Variants in CTNND2 observed in about 807,000 individuals in gnomAD.
The protein encoded by CTNND2 is catenin delta-2.
Under a neutral mutation model 144.4 loss-of-function variants are expected in CTNND2, and 22 were observed. That is an observed-to-expected ratio of 0.15 (90% confidence interval 0.11 to 0.22). CTNND2 has a LOEUF of 0.22. Among genes scored for constraint, CTNND2 ranks in the 10% least tolerant of loss-of-function variants. The pLI, the probability that CTNND2 is intolerant of heterozygous loss-of-function variation, is 1.00. For missense variants in CTNND2, 1,353 were observed against 1,618.8 expected, an observed-to-expected ratio of 0.84 and a Z score of 2.82; for synonymous variants, 751 against 695.6, an observed-to-expected ratio of 1.08 and a Z score of -1.25.
intron 1 of CTNND2, among the ~76,000 whole-genome samples, chr5:11,741,890 GTTAT>G (rs1410991874): frequency 6.6e-6 from 1 of 150,928 alleles, no homozygotes; most frequent in Non-Finnish European, 1.5e-5. Context: ...ATGAAATAAT[GTTAT>G]TTGCAGTGAC....
Position 10,971,889 on chromosome 5 carries a change from G to A in CTNND2, c.*1564C>T, listed in dbSNP as rs1356975437. The A allele has an allele frequency of 6.6e-6, 1 of 152,596 alleles. No homozygotes were observed. The allele number at this position is 152,596 out of a possible 1,614,324, so 9.5% of individuals were successfully genotyped here. A position where few individuals can be genotyped will look rare whatever the true frequency, so the allele number is the denominator to read the frequency against. ...TTCCAAGAACAGTTAACATTTACTA[G>A]GCACCTATTGGCCTCAGCCACTTGC... On this transcript the variant is annotated 3_prime_UTR_variant, in exon 22 of 22. Transcript: ENST00000304623.
At chr5:11,081,789 A>G (rs969619380) in intron 16 of CTNND2, among the ~76,000 whole-genome samples, 4 of 152,248 alleles carry the variant, frequency 2.6e-5, no homozygotes, top group Non-Finnish European at 5.9e-5. Context: ...AGGAAAATCC[A>G]TAGACAGAGA....
intron 2 of CTNND2, among the ~76,000 whole-genome samples, chr5:11,697,988 T>C (rs1411182854): frequency 2.6e-5 from 4 of 152,188 alleles, no homozygotes; most frequent in African/African-American, 9.7e-5. Context: ...GGACCTTGCT[T>C]TTATTCTAAG....
At chr5:11,856,095 A>T (rs2127014455) in intron 1 of CTNND2, among the ~76,000 whole-genome samples, 1 of 152,348 alleles carries the variant, frequency 6.6e-6, no homozygotes, top group East Asian at 1.9e-4. Flanking sequence ...ATTATCTATA[A>T]GCCACCATGC....
chr5:11,487,826 C>T (rs187497949), intron 3 of CTNND2, among the ~76,000 whole-genome samples: 4 of 152,274 alleles, frequency 2.6e-5, no homozygotes, highest in Admixed American at 6.5e-5. Flanking sequence ...AAATTGACCA[C>T]GGTGGGAGTA....
intron 9 of CTNND2, among the ~76,000 whole-genome samples, chr5:11,310,902 TCACA>T (rs1397854622): frequency 8.8e-6 from 1 of 113,084 alleles, no homozygotes; most frequent in South Asian, 3.2e-4. Flanking sequence ...CGCAATACAC[TCACA>T]CACACTCCCC....
At chr5:11,713,989 C>T (rs1039899227) in intron 2 of CTNND2, among the ~76,000 whole-genome samples, 2 of 152,144 alleles carry the variant, frequency 1.3e-5, no homozygotes, top group African/African-American at 2.4e-5. Flanking sequence ...CTAACAAGAC[C>T]GTAGCCTCGA....
chr5:11,693,439 T>C (rs1475569077), intron 2 of CTNND2, among the ~76,000 whole-genome samples: 1 of 152,244 alleles, frequency 6.6e-6, no homozygotes, highest in Non-Finnish European at 1.5e-5. Context: ...TTTAAATTAT[T>C]TGAATCACAG....
chr5:11,194,238 C>A (rs1736629821), intron 11 of CTNND2, among the ~76,000 whole-genome samples: 1 of 152,136 alleles, frequency 6.6e-6, no homozygotes, highest in Non-Finnish European at 1.5e-5. Context: ...AAGATTTATA[C>A]TCAAGAGATG....
chr5:11,092,066 C>A (rs1236152100), intron 15 of CTNND2, among the ~76,000 whole-genome samples: 1 of 152,122 alleles, frequency 6.6e-6, no homozygotes, highest in Non-Finnish European at 1.5e-5. Flanking sequence ...ATCTTCATAC[C>A]ATGGCTTGGA....
At chr5:11,284,182 G>T (rs1166686840) in intron 9 of CTNND2, among the ~76,000 whole-genome samples, 1 of 152,196 alleles carries the variant, frequency 6.6e-6, no homozygotes, top group Non-Finnish European at 1.5e-5. Context: ...GGCACCATCT[G>T]ACAGCACTCC....
At chr5:11,409,530 C>A (rs1448418977) in intron 5 of CTNND2, among the ~76,000 whole-genome samples, 1 of 151,932 alleles carries the variant, frequency 6.6e-6, no homozygotes, top group East Asian at 1.9e-4. Context: ...TCCTTAATTT[C>A]TTTTATTTTT....
chr5:11,726,356 A>ATTT (rs534234290), intron 2 of CTNND2, among the ~76,000 whole-genome samples: 11 of 152,216 alleles, frequency 7.2e-5, no homozygotes, highest in Non-Finnish European at 1.5e-4. Context: ...ACAAAGAAGA[A>ATTT]TAAAATATTT....
chr5:11,142,756 GGC>G (rs1042678762), intron 12 of CTNND2, among the ~76,000 whole-genome samples: 12 of 151,992 alleles, frequency 7.9e-5, no homozygotes, highest in African/African-American at 2.7e-4. Context: ...TGGGACTACA[GGC>G]GCGCGCCACC....
At chr5:11,824,053 T>G (rs1195242586) in intron 1 of CTNND2, among the ~76,000 whole-genome samples, 1 of 137,976 alleles carries the variant, frequency 7.2e-6, no homozygotes, top group African/African-American at 2.8e-5. Flanking sequence ...CAGTGAGTCA[T>G]GATTGCACCA....
intron 9 of CTNND2, among the ~76,000 whole-genome samples, chr5:11,273,549 C>T (rs1419079022): frequency 3.3e-5 from 5 of 152,172 alleles, no homozygotes; most frequent in East Asian, 3.8e-4. Flanking sequence ...GAAAATTGGG[C>T]TTTTCGGTCA....
Position 11,102,364 on chromosome 5 carries a change from C to A in CTNND2, c.2464-3616G>T, listed in dbSNP as rs565190324. The stretch of plus-strand genomic sequence containing the variant: ...GTTCATAGAAATTTCTAATTTTACA[C>A]ACATATTTAGAGTTCATAAAGCTAA... On this transcript the variant is annotated intron_variant, in intron 14 of 21. Transcript: ENST00000304623. 5.3e-5 allele frequency among the ~76,000 whole-genome samples: 8 copies of A among 152,274 alleles called. No homozygotes were observed. In the South Asian group the frequency reaches 1.7e-3, roughly 32 times the overall value.
At chr5:11,598,147 TTAAA>T (rs139153840) in intron 2 of CTNND2, among the ~76,000 whole-genome samples, 4,725 of 152,252 alleles carry the variant, frequency 0.031, 240 homozygotes, top group African/African-American at 0.11. Flanking sequence ...TTCAGAGAGG[TTAAA>T]TAATTTGTCC....
intron 9 of CTNND2, among the ~76,000 whole-genome samples, chr5:11,293,794 C>G (rs1483043996): frequency 3.5e-4 from 50 of 142,524 alleles, no homozygotes; most frequent in East Asian, 6.3e-4. Context: ...AGAAATGTGC[C>G]CACATTTCTT....
Sources: allele counts gnomAD v4.1 joint callset (sites outside exome capture counted in the v4.1 genomes callset), GRCh38; gene constraint gnomAD v4.1.1; transcripts MANE v1.5; gene names NCBI Gene and HGNC (gene_info 2026-07-23, HGNC 2026-07-21).